Variants in CNTN4 observed in about 807,000 individuals in gnomAD.
CNTN4 encodes contactin 4.
In CNTN4, 77 loss-of-function variants were observed where a neutral mutation model predicts 122.5. The ratio of observed to expected loss-of-function variants is 0.63; its 90% confidence interval spans 0.52 to 0.76. CNTN4 has a LOEUF of 0.76. Among genes scored for constraint, CNTN4 ranks in the 30% least tolerant of loss-of-function variants. The probability of loss-of-function intolerance (pLI) is 0.00; values close to 1 mark genes in which losing one functional copy is unlikely to be tolerated. For missense variants in CNTN4, 1,256 were observed against 1,259.1 expected (o/e 1.00, Z 0.04); for synonymous variants, 512 against 447.0 (o/e 1.15, Z -1.83).
intron 2 of CNTN4, among the ~76,000 whole-genome samples, chr3:2,249,441 TC>T (rs970235332): frequency 1.3e-5 from 2 of 151,954 alleles, no homozygotes; most frequent in Non-Finnish European, 2.9e-5. Context: ...GTACTTTTTT[TC>T]CAGGACAGTT....
intron 2 of CNTN4, among the ~76,000 whole-genome samples, chr3:2,108,632 A>G (rs1354384774): frequency 1.3e-5 from 2 of 152,190 alleles, no homozygotes; most frequent in African/African-American, 4.8e-5. Flanking sequence ...TAGTTGTGTG[A>G]TTGTGAGCAA....
intron 3 of CNTN4, among the ~76,000 whole-genome samples, chr3:2,422,396 A>G (rs2047650448): frequency 6.6e-6 from 1 of 152,128 alleles, no homozygotes; most frequent in Non-Finnish European, 1.5e-5. Context: ...GTTCCTTCCA[A>G]CTCCAAACAG....
chr3:2,495,198 C>G (rs910467448), intron 3 of CNTN4, among the ~76,000 whole-genome samples: 1 of 152,164 alleles, frequency 6.6e-6, no homozygotes, highest in Non-Finnish European at 1.5e-5. Context: ...CCTTCAAGTT[C>G]TTATTTCAAA....
intron 2 of CNTN4, among the ~76,000 whole-genome samples, chr3:2,241,246 G>A (rs893150873): frequency 6.6e-6 from 1 of 152,128 alleles, no homozygotes; most frequent in Non-Finnish European, 1.5e-5. Flanking sequence ...TAGAAAAGTT[G>A]TAGATATCAT....
At chr3:2,721,038 T>A (rs1012583806) in intron 4 of CNTN4, among the ~76,000 whole-genome samples, 1 of 152,182 alleles carries the variant, frequency 6.6e-6, no homozygotes, top group African/African-American at 2.4e-5. Flanking sequence ...AGTGGCATGA[T>A]CTCGGCTCAC....
At chr3:2,259,742 CAT>C (rs899013030) in intron 2 of CNTN4, among the ~76,000 whole-genome samples, 1 of 152,178 alleles carries the variant, frequency 6.6e-6, no homozygotes, top group Non-Finnish European at 1.5e-5. Context: ...CCTCCCACAA[CAT>C]GTGGGAATTA....
At chr3:2,552,384 G>A (rs544050780) in intron 3 of CNTN4, among the ~76,000 whole-genome samples, 136 of 152,276 alleles carry the variant, frequency 8.9e-4, no homozygotes, top group Non-Finnish European at 1.4e-3. Context: ...GGAAAATACA[G>A]ATACCACCAG....
chr3:2,875,046 G>C (rs759362286), intron 8 of CNTN4, among the ~76,000 whole-genome samples: 6 of 152,032 alleles, frequency 3.9e-5, no homozygotes, highest in African/African-American at 7.2e-5. Context: ...GCAGTGGTGC[G>C]ATGTCAGCTC....
intron 3 of CNTN4, among the ~76,000 whole-genome samples, chr3:2,343,595 T>G (rs1235601248): frequency 6.6e-6 from 1 of 152,208 alleles, no homozygotes; most frequent in African/African-American, 2.4e-5. Flanking sequence ...CTTGAGCCAC[T>G]TGCTCAAGAT....
At chr3:2,961,958 C>T (rs746541047) in intron 13 of CNTN4, among the ~76,000 whole-genome samples, 15 of 152,160 alleles carry the variant, frequency 9.9e-5, no homozygotes, top group Non-Finnish European at 1.5e-4. Context: ...TTGCCTTTTC[C>T]TTCTTCATCA....
chr3:2,390,862 C>T lies in CNTN4; in HGVS notation c.-89+51629C>T, dbSNP rs182755385. ...TGCTCAGTGAATTGCCCGACCCAAA[C>T]CTTCAATTGAATGTCTTTTAAATAG... On this transcript the variant is annotated intron_variant, in intron 3 of 24. Coordinates refer to ENST00000418658, the MANE Select transcript of CNTN4 (RefSeq NM_175607.3). Among the ~76,000 whole-genome samples the T allele has an allele frequency of 8.8e-4, 134 of 152,278 alleles. 1 individual carries two copies. The highest frequency in any genetic ancestry group is 1.6e-3 in the Non-Finnish European group (108 of 68,028).
intron 3 of CNTN4, among the ~76,000 whole-genome samples, chr3:2,387,485 T>C (rs557571501): frequency 6.6e-6 from 1 of 152,304 alleles, no homozygotes; most frequent in South Asian, 2.1e-4. Flanking sequence ...TACATAATAA[T>C]GGCATCCTTC....
At chr3:2,842,066 T>C (rs2093371248) in intron 7 of CNTN4, among the ~76,000 whole-genome samples, 1 of 152,196 alleles carries the variant, frequency 6.6e-6, no homozygotes, top group Non-Finnish European at 1.5e-5. Flanking sequence ...ATATTCTTAA[T>C]GAGCATTGTT....
chr3:2,755,622 A>G (rs2090300622), intron 6 of CNTN4, among the ~76,000 whole-genome samples: 1 of 152,180 alleles, frequency 6.6e-6, no homozygotes. Flanking sequence ...ATGCTAGTTA[A>G]TTGTAGCTAT....
At chr3:2,931,413 C>A (rs2151423268) in intron 13 of CNTN4, among the ~76,000 whole-genome samples, 1 of 152,168 alleles carries the variant, frequency 6.6e-6, no homozygotes, top group African/African-American at 2.4e-5. Flanking sequence ...TGAGAGGGGG[C>A]AAATAAAGAG....
intron 3 of CNTN4, among the ~76,000 whole-genome samples, chr3:2,483,490 A>G (rs2076063479): frequency 1.3e-5 from 2 of 152,150 alleles, no homozygotes; most frequent in Admixed American, 1.3e-4. Context: ...TTTTGAAACA[A>G]GATTTGGGAG....
At chr3:2,623,579 C>A (rs565603741) in intron 4 of CNTN4, among the ~76,000 whole-genome samples, 5 of 152,292 alleles carry the variant, frequency 3.3e-5, no homozygotes, top group African/African-American at 1.2e-4. Flanking sequence ...CCAAAGTGCT[C>A]TGCCTTTTGT....
chr3:2,826,770 C>G (rs528812005), intron 7 of CNTN4, among the ~76,000 whole-genome samples: 137 of 152,342 alleles, frequency 9.0e-4, no homozygotes, highest in Non-Finnish European at 1.5e-3. Flanking sequence ...TGAGCAGCCT[C>G]TATGCCCAGA....
At chr3:2,737,228 G>C (rs979093182) in intron 5 of CNTN4, among the ~76,000 whole-genome samples, 2 of 152,098 alleles carry the variant, frequency 1.3e-5, no homozygotes, top group Non-Finnish European at 2.9e-5. Context: ...TTATAGGTTT[G>C]CACCACCATG....
Sources: allele counts gnomAD v4.1 joint callset (sites outside exome capture counted in the v4.1 genomes callset), GRCh38; gene constraint gnomAD v4.1.1; transcripts MANE v1.5; gene names NCBI Gene and HGNC (gene_info 2026-07-23, HGNC 2026-07-21).